Variants in MAF observed in about 807,000 individuals in gnomAD.
MAF encodes MAF bZIP transcription factor.
MAF carries 10 observed loss-of-function variants against 22.0 expected under a neutral mutation model. The observed-to-expected ratio is 0.45, with a 90% confidence interval of 0.28 to 0.77. The LOEUF (loss-of-function observed/expected upper bound fraction) is 0.77, where lower values mean the gene tolerates loss of function less well. Among genes scored for constraint, MAF ranks in the 30% least tolerant of loss-of-function variants. MAF has a pLI of 0.12. For missense variants in MAF, 544 were observed against 548.4 expected, an observed-to-expected ratio of 0.99 and a Z score of 0.08; for synonymous variants, 337 against 255.8, an observed-to-expected ratio of 1.32 and a Z score of -3.03.
chr16:79,483,009 TCCC>T, the MAF span, among the ~76,000 whole-genome samples: 1 of 14,680 alleles, frequency 6.8e-5, no homozygotes, highest in Non-Finnish European at 1.3e-4. Context: ...CCTCCTTCCC[TCCC>T]TCTGTCTCTT....
chr16:79,317,808 C>T, the MAF span, among the ~76,000 whole-genome samples: 1 of 152,220 alleles, frequency 6.6e-6, no homozygotes, highest in Non-Finnish European at 1.5e-5. Context: ...ATCTGCACTT[C>T]TCTTTGCATG....
At chr16:79,258,084 C>T in the MAF span, among the ~76,000 whole-genome samples, 8 of 152,310 alleles carry the variant, frequency 5.3e-5, no homozygotes, top group African/African-American at 1.9e-4. Flanking sequence ...TGTTTAACCT[C>T]AGCCCTTATC....
At chr16:79,226,986 C>T in the MAF span, among the ~76,000 whole-genome samples, 1 of 151,916 alleles carries the variant, frequency 6.6e-6, no homozygotes, top group African/African-American at 2.4e-5. Flanking sequence ...AACCTTAGGG[C>T]TACATGGCAC....
At chr16:79,474,993 G>A in the MAF span, among the ~76,000 whole-genome samples, 509 of 152,302 alleles carry the variant, frequency 3.3e-3, 2 homozygotes, top group African/African-American at 0.012. Context: ...ACACTGTGCT[G>A]GTAGCAGAAG....
chr16:79,358,739 C>A, the MAF span, among the ~76,000 whole-genome samples: 23 of 152,354 alleles, frequency 1.5e-4, no homozygotes, highest in African/African-American at 4.8e-4. Flanking sequence ...AGACTGTTGG[C>A]TTTATCATGA....
the MAF span, among the ~76,000 whole-genome samples, chr16:79,262,180 G>C: frequency 7.9e-5 from 12 of 152,276 alleles, no homozygotes; most frequent in African/African-American, 2.6e-4. Flanking sequence ...AACTGTGCAG[G>C]ATGGGTAGTT....
At chr16:79,584,508 T>G (rs1912722393), downstream of MAF, among the ~76,000 whole-genome samples, 1 of 152,188 alleles carries the variant, frequency 6.6e-6, no homozygotes, top group African/African-American at 2.4e-5. Flanking sequence ...TAACCTTATA[T>G]GAAATATTAC....
At chr16:79,306,333 C>T in the MAF span, among the ~76,000 whole-genome samples, 3 of 152,178 alleles carry the variant, frequency 2.0e-5, no homozygotes, top group Non-Finnish European at 2.9e-5. Flanking sequence ...ACCACCCTCA[C>T]AGGCTGTAAT....
the MAF span, among the ~76,000 whole-genome samples, chr16:79,358,605 A>G: frequency 2.0e-5 from 3 of 152,342 alleles, no homozygotes; most frequent in East Asian, 5.8e-4. Flanking sequence ...CAAAATGTGA[A>G]CAAGTCACTT....
chr16:79,595,325 C>T, intron 1 of MAF: 12 of 1,050,290 alleles, frequency 1.1e-5, no homozygotes, highest in Non-Finnish European at 1.4e-5. Context: ...GGCAGGAAGG[C>T]CAGATGATAA....
At chr16:79,390,467 A>G in the MAF span, among the ~76,000 whole-genome samples, 6 of 152,294 alleles carry the variant, frequency 3.9e-5, 1 homozygote, top group Non-Finnish European at 7.4e-5. Context: ...ATTTTTCGGA[A>G]CATAATTTGT....
chr16:79,335,349 A>G, the MAF span, among the ~76,000 whole-genome samples: 3 of 152,070 alleles, frequency 2.0e-5, no homozygotes, highest in Non-Finnish European at 2.9e-5. Flanking sequence ...TCCTCGTACT[A>G]TGGCCGACCA....
the MAF span, among the ~76,000 whole-genome samples, chr16:79,261,184 C>T: frequency 6.6e-6 from 1 of 152,124 alleles, no homozygotes; most frequent in African/African-American, 2.4e-5. Context: ...CAGAGTCTTG[C>T]TCTTGTCACC....
the MAF span, among the ~76,000 whole-genome samples, chr16:79,394,630 T>A: frequency 1.3e-5 from 2 of 152,076 alleles, no homozygotes; most frequent in Admixed American, 1.3e-4. Flanking sequence ...CATAAGGGGT[T>A]TGGAGGATTT....
chr16:79,481,343 C>T, the MAF span, among the ~76,000 whole-genome samples: 122,951 of 151,852 alleles, frequency 0.81, 50,173 homozygotes, highest in East Asian at 0.93. Flanking sequence ...TAGAGTTGTG[C>T]GACCATCACC....
chr16:79,208,679 C>A, the MAF span, among the ~76,000 whole-genome samples: 123 of 151,704 alleles, frequency 8.1e-4, no homozygotes, highest in Middle Eastern at 0.014. Context: ...ATTGGCAGTA[C>A]CTGCTTGTTT....
At chr16:79,392,093 GAGAA>G in the MAF span, among the ~76,000 whole-genome samples, 1 of 149,778 alleles carries the variant, frequency 6.7e-6, no homozygotes, top group Non-Finnish European at 1.5e-5. Context: ...AGAAAGAAAA[GAGAA>G]AGAAGGAAAG....
At chr16:79,421,722 G>A in the MAF span, among the ~76,000 whole-genome samples, 183 of 150,948 alleles carry the variant, frequency 1.2e-3, no homozygotes, top group Non-Finnish European at 2.1e-3. Context: ...CTGCAACCTT[G>A]AGCTCCTGGG....
the MAF span, among the ~76,000 whole-genome samples, chr16:79,213,874 C>T: frequency 6.6e-6 from 1 of 152,192 alleles, no homozygotes; most frequent in Non-Finnish European, 1.5e-5. Flanking sequence ...AGCTTCTCAG[C>T]TCACTAAGGT....
Sources: allele counts gnomAD v4.1 joint callset (sites outside exome capture counted in the v4.1 genomes callset), GRCh38; gene constraint gnomAD v4.1.1; transcripts MANE v1.5; gene names NCBI Gene and HGNC (gene_info 2026-07-23, HGNC 2026-07-21).